STARD9: variants seen among roughly 807,000 people sequenced by gnomAD.
The protein encoded by STARD9 is stAR-related lipid transfer protein 9.
Under a neutral mutation model 399.8 loss-of-function variants are expected in STARD9, and 346 were observed. The ratio of observed to expected loss-of-function variants is 0.87; its 90% CI spans 0.79 to 0.95. The LOEUF (loss-of-function observed/expected upper bound fraction) is 0.95. STARD9 is among the 40% of genes least tolerant of loss of function. The pLI, the probability that STARD9 is intolerant of heterozygous loss-of-function variation, is 0.00. For missense variants in STARD9, 5,832 were observed against 5,667.5 expected, an observed-to-expected ratio of 1.03 and a Z score of -0.93; for synonymous variants, 2,203 against 2,143.5, an observed-to-expected ratio of 1.03 and a Z score of -0.77.
At chr15:42,606,950 T>C (rs1357698041) in intron 3 of STARD9, among the ~76,000 whole-genome samples, 1 of 151,956 alleles carries the variant, frequency 6.6e-6, no homozygotes, top group Non-Finnish European at 1.5e-5. Context: ...TGAAGTGTAC[T>C]TCATTGATTG....
At chr15:42,581,393 A>T in intron 1 of STARD9, 1 of 1,501,862 alleles carries the variant, frequency 6.7e-7, no homozygotes, top group East Asian at 2.3e-5. Flanking sequence ...TGCAATAGTC[A>T]AGAGGTAGCT....
chr15:42,632,633 A>G (rs2059352291), intron 3 of STARD9, among the ~76,000 whole-genome samples: 1 of 152,140 alleles, frequency 6.6e-6, no homozygotes, highest in Non-Finnish European at 1.5e-5. Flanking sequence ...AGGCTTGCAA[A>G]TAACCCATTC....
chr15:42,689,536 C>T lies in STARD9; in HGVS notation c.7958C>T (p.Thr2653Met), dbSNP rs765280706. 102 of 1,537,138 alleles carry T rather than the reference C, an allele frequency of 6.6e-5. No individual in the cohort carries two copies. Among genetic ancestry groups the T allele is most frequent in the Non-Finnish European group, 7.9e-5 (91 of 1,146,940 alleles). ...GACAGCTTTGAATCTCTGCCCAATA[C>T]GGAAACTGACAGAGAGCCATGGGAT... ...SADSFESLPN[T>M]ETDREPWDPV... Residue 2653 changes from threonine (T) to methionine (M), a missense_variant, in exon 23 of 33, where the codon ACG becomes ATG. Thr to Met is a moderately conservative substitution (Grantham distance 81). Around this residue, in one of 2 missense-constraint regions of STARD9, gnomAD observed 5,828 missense variants for 5,651.1 expected, o/e 1.03. Transcript: ENST00000290607.
Position 42,690,114 on chromosome 15 carries a change from G to C in STARD9, c.8536G>C (p.Glu2846Gln). The change falls in exon 23 of 33, where the codon GAA becomes CAA. Residue 2846 changes from glutamate (E) to glutamine (Q), a missense_variant. By Grantham distance (29) the Glu-to-Gln change is conservative. Transcript: ENST00000290607. ...CCCTGAGGCTTCTACTGGCTTTGAAGAAGGTAGGGCAAGTCCCAAACAAGA... is the reference window on the plus strand; with the variant it reads ...CCCTGAGGCTTCTACTGGCTTTGAACAAGGTAGGGCAAGTCCCAAACAAGA... ...QCPEASTGFE[E>Q]GRASPKQDTI... 2 of 1,537,818 alleles carry C rather than the reference G, an allele frequency of 1.3e-6. No individual in the cohort carries two copies. The highest frequency in any genetic ancestry group is 1.7e-6 in the Non-Finnish European group (2 of 1,147,048).
chr15:42,650,064 C>T (rs12901400), intron 7 of STARD9, among the ~76,000 whole-genome samples: 4,278 of 151,818 alleles, frequency 0.028, 100 homozygotes, highest in Non-Finnish European at 0.042. Flanking sequence ...CAGGGTTTCT[C>T]CATGTTCGCC....
intron 3 of STARD9, among the ~76,000 whole-genome samples, chr15:42,614,171 C>T (rs796223671): frequency 3.3e-5 from 5 of 151,192 alleles, no homozygotes; most frequent in African/African-American, 4.9e-5. Flanking sequence ...ATTAGCCAGA[C>T]GTGGTGGTGG....
At chr15:42,661,566 T>C (rs557760670) in intron 10 of STARD9, among the ~76,000 whole-genome samples, 1 of 152,212 alleles carries the variant, frequency 6.6e-6, no homozygotes, top group Non-Finnish European at 1.5e-5. Flanking sequence ...TGCCTCAGCC[T>C]CTGGAGTAGC....
At chr15:42,624,641 C>T (rs558699920) in intron 3 of STARD9, among the ~76,000 whole-genome samples, 4 of 151,976 alleles carry the variant, frequency 2.6e-5, no homozygotes, top group Non-Finnish European at 5.9e-5. Flanking sequence ...CTCCGCCTCC[C>T]AGGTTCAAGT....
At chr15:42,596,331 C>G (rs1219173030) in intron 3 of STARD9, among the ~76,000 whole-genome samples, 1 of 152,188 alleles carries the variant, frequency 6.6e-6, no homozygotes, top group Non-Finnish European at 1.5e-5. Flanking sequence ...ATTCCTTATA[C>G]TCACCCTTTG....
intron 3 of STARD9, among the ~76,000 whole-genome samples, chr15:42,592,722 G>T (rs2058426282): frequency 2.0e-5 from 3 of 152,180 alleles, no homozygotes; most frequent in Non-Finnish European, 2.9e-5. Flanking sequence ...GGGATTACAG[G>T]CGTGAGCCAC....
intron 3 of STARD9, among the ~76,000 whole-genome samples, chr15:42,601,358 C>A (rs1271653300): frequency 6.6e-6 from 1 of 152,140 alleles, no homozygotes; most frequent in East Asian, 1.9e-4. Flanking sequence ...TCATCATGGC[C>A]CATTCTCAGT....
In STARD9 at chr15:42,675,979, A is replaced by T; in HGVS notation, c.1874+4A>T. ...CCCCTTTGCTTTGGAAGGAAAGGTAAGAAATAGCTGCTTATACTGATGTGG... is the reference window on the plus strand; with the variant it reads ...CCCCTTTGCTTTGGAAGGAAAGGTATGAAATAGCTGCTTATACTGATGTGG... On this transcript the variant is annotated splice_donor_region_variant and intron_variant, in intron 20 of 32. Coordinates refer to ENST00000290607, the MANE Select transcript of STARD9 (RefSeq NM_020759.3). 2 of 1,481,584 alleles carry T rather than the reference A, an allele frequency of 1.3e-6. No homozygotes were observed. The highest frequency in any genetic ancestry group is 1.4e-5 in the African/African-American group (1 of 70,660). The allele number at this position is 1,481,584 out of a possible 1,614,324, so 91.8% of individuals were successfully genotyped here. A position where few individuals can be genotyped will look rare whatever the true frequency, so the allele number is the denominator to read the frequency against.
In STARD9 at chr15:42,682,096, G is replaced by T; in HGVS notation, c.2066-8G>T. The T allele has an allele frequency of 6.6e-7, 1 of 1,523,528 alleles. No individual in the cohort carries two copies. The highest frequency in any genetic ancestry group is 8.8e-7 in the Non-Finnish European group (1 of 1,138,888). The allele number at this position is 1,523,528 out of a possible 1,614,324, so 94.4% of individuals were successfully genotyped here. Reference sequence around the variant, plus strand: ...CTGAAATTCTCTCTGGGTGTTTTTGGTTCCCAGACCAGCAGTGTCTGCTCA... The same window carrying T: ...CTGAAATTCTCTCTGGGTGTTTTTGTTTCCCAGACCAGCAGTGTCTGCTCA... On this transcript the variant is annotated splice_polypyrimidine_tract_variant and splice_region_variant and intron_variant, in intron 21 of 32. Coordinates refer to ENST00000290607, the MANE Select transcript of STARD9 (RefSeq NM_020759.3).
intron 1 of STARD9, chr15:42,581,130 T>A (rs1483047997): frequency 2.7e-6 from 2 of 732,282 alleles, no homozygotes; most frequent in African/African-American, 3.5e-5. Context: ...GAGAGTCAGA[T>A]GCCCATCTCC....
At position 42,719,521 on chromosome 15, in the gene STARD9, A is replaced by G; in HGVS notation, c.14050A>G (p.Ile4684Val). The part of the protein sequence containing the change: ...GFPPQLLSSF[I>V]KRQPLVIARL... ...CCCACCTCAGCTCCTGAGCTCTTTC[A>G]TCAAACGGCAGCCACTGGTTATAGC... is the stretch of plus-strand genomic sequence containing the variant. Residue 4684 changes from isoleucine to valine, a missense_variant, in exon 33 of 33, where the codon ATC becomes GTC. This residue lies in a region of STARD9 where 5,828 missense variants were observed against 5,651.1 expected (regional missense o/e 1.03). Transcript: ENST00000290607. 11 of 1,537,148 alleles carry G rather than the reference A, an allele frequency of 7.2e-6. No individual in the cohort carries two copies. The highest frequency in any genetic ancestry group is 9.6e-6 in the Non-Finnish European group (11 of 1,146,870).
Position 42,697,427 on chromosome 15 carries a change from C to CT in STARD9, c.13284+1554dup, listed in dbSNP as rs548289854. On this transcript the variant is annotated intron_variant, in intron 26 of 32. Coordinates refer to ENST00000290607, the MANE Select transcript of STARD9 (RefSeq NM_020759.3). ...TCTTTTTAACAGCTGAATAGTGTTT[C>CT]TTTTTTTCTCTTTTATTGCATGTTT... Among the ~76,000 whole-genome samples the CT allele has an allele frequency of 2.2e-3, 337 of 152,126 alleles. 4 individuals are homozygous for CT. The highest frequency in any genetic ancestry group is 0.02 in the Admixed American group (298 of 15,266).
chr15:42,616,874 G>C (rs1026111439), intron 3 of STARD9, among the ~76,000 whole-genome samples: 1 of 140,562 alleles, frequency 7.1e-6, no homozygotes, highest in Non-Finnish European at 1.5e-5. Context: ...CTGGGTGACA[G>C]AGCGAGACTT....
intron 3 of STARD9, among the ~76,000 whole-genome samples, chr15:42,602,207 A>G (rs2058643971): frequency 6.6e-6 from 1 of 152,228 alleles, no homozygotes; most frequent in East Asian, 1.9e-4. Flanking sequence ...TTTGTCAGAC[A>G]TGGCAATAGT....
chr15:42,685,822 C>T lies in STARD9; in HGVS notation c.4244C>T (p.Ala1415Val). ...LLCSARDEHT[A>V]SAADTSRLSL... is the part of the protein sequence containing the mutation. ...TGCAGTGCAAGAGATGAGCACACAG[C>T]CTCTGCTGCTGATACGTCTAGGCTG... The change falls in exon 23 of 33, where the codon GCC becomes GTC. Residue 1415 changes from alanine to valine, a missense_variant. Physicochemically the swap from Ala to Val is moderately conservative, Grantham distance 64. Around this residue, in one of 2 missense-constraint regions of STARD9, gnomAD observed 5,828 missense variants for 5,651.1 expected, o/e 1.03. Transcript: ENST00000290607. 6.5e-7 allele frequency: 1 copy of T among 1,537,182 alleles called. No individual in the cohort carries two copies. The highest frequency in any genetic ancestry group is 8.7e-7 in the Non-Finnish European group (1 of 1,146,946).
Sources: allele counts gnomAD v4.1 joint callset (sites outside exome capture counted in the v4.1 genomes callset), GRCh38; gene constraint gnomAD v4.1.1; regional missense constraint gnomAD v4.1.1; transcripts MANE v1.5; gene names NCBI Gene and HGNC (gene_info 2026-07-23, HGNC 2026-07-21).